TAS2R1: variants seen among roughly 807,000 people sequenced by gnomAD.
TAS2R1 encodes the protein taste receptor type 2 member 1.
For missense variants in TAS2R1, 370 were observed against 353.4 expected, an observed-to-expected ratio of 1.05 and a Z score of -0.38; for synonymous variants, 141 against 134.2, an observed-to-expected ratio of 1.05 and a Z score of -0.35.
chr5:9,698,925 G>A (rs1741419092), intron 1 of TAS2R1, among the ~76,000 whole-genome samples: 7 of 152,200 alleles, frequency 4.6e-5, no homozygotes, highest in Admixed American at 1.3e-4. Flanking sequence ...AGCATATAAA[G>A]CATATAGCGT....
chr5:9,805,638 A>G, the TAS2R1 span, among the ~76,000 whole-genome samples: 2 of 152,140 alleles, frequency 1.3e-5, no homozygotes, highest in Non-Finnish European at 1.5e-5. Context: ...CAAAATTAAA[A>G]ACAAAAATCA....
At chr5:9,668,314 AAAGC>A (rs1311070031) in intron 1 of TAS2R1, among the ~76,000 whole-genome samples, 1 of 152,202 alleles carries the variant, frequency 6.6e-6, no homozygotes, top group Non-Finnish European at 1.5e-5. Context: ...AAAGGGAGAG[AAAGC>A]AAGCAATTAG....
chr5:9,763,689 G>A, the TAS2R1 span, among the ~76,000 whole-genome samples: 2,109 of 152,230 alleles, frequency 0.014, 57 homozygotes, highest in African/African-American at 0.048. Context: ...ATGCAAAAGC[G>A]AGAATCGGAA....
chr5:9,650,056 TA>T (rs1424908594), intron 2 of TAS2R1, among the ~76,000 whole-genome samples: 1 of 152,124 alleles, frequency 6.6e-6, no homozygotes. Context: ...AATTTTAATA[TA>T]AAAAATAAAA....
chr5:9,764,705 G>A, the TAS2R1 span, among the ~76,000 whole-genome samples: 1 of 152,214 alleles, frequency 6.6e-6, no homozygotes, highest in African/African-American at 2.4e-5. Context: ...CATTTTGGAT[G>A]GAAAACAATT....
the TAS2R1 span, among the ~76,000 whole-genome samples, chr5:9,790,409 T>G: frequency 1.3e-5 from 2 of 152,192 alleles, no homozygotes; most frequent in Non-Finnish European, 1.5e-5. Flanking sequence ...ATGACTCAAC[T>G]GAAGCCACAT....
At chr5:9,894,417 A>G in the TAS2R1 span, among the ~76,000 whole-genome samples, 64,017 of 151,814 alleles carry the variant, frequency 0.42, 15,865 homozygotes, top group Non-Finnish European at 0.53. Context: ...AAAAAAACAG[A>G]AGAGGAAATT....
At chr5:9,882,034 T>C in the TAS2R1 span, among the ~76,000 whole-genome samples, 1 of 152,348 alleles carries the variant, frequency 6.6e-6, no homozygotes, top group South Asian at 2.1e-4. Context: ...AAAGAGCTTC[T>C]GCACAGCAAA....
chr5:9,763,615 C>T, the TAS2R1 span, among the ~76,000 whole-genome samples: 1 of 152,208 alleles, frequency 6.6e-6, no homozygotes, highest in East Asian at 1.9e-4. Context: ...TTATTGTCTA[C>T]AAATGAACCA....
chr5:9,708,058 G>A (rs377612967), intron 1 of TAS2R1, among the ~76,000 whole-genome samples: 20 of 152,222 alleles, frequency 1.3e-4, no homozygotes, highest in Admixed American at 2.0e-4. Context: ...CTGTCTTTAC[G>A]GCGCAAGCTC....
chr5:9,738,751 G>A, the TAS2R1 span, among the ~76,000 whole-genome samples: 1 of 151,986 alleles, frequency 6.6e-6, no homozygotes, highest in Non-Finnish European at 1.5e-5. Context: ...CTAAAGTAAT[G>A]ACTAATAAAC....
intron 2 of TAS2R1, among the ~76,000 whole-genome samples, chr5:9,656,925 G>C (rs1294900663): frequency 6.6e-6 from 1 of 152,116 alleles, no homozygotes; most frequent in Non-Finnish European, 1.5e-5. Flanking sequence ...ACAACCTTAA[G>C]AGTGATTGAA....
the TAS2R1 span, among the ~76,000 whole-genome samples, chr5:9,783,372 C>T: frequency 6.2e-4 from 94 of 152,348 alleles, no homozygotes; most frequent in Non-Finnish European, 1.2e-3. Flanking sequence ...ATCTGGTCAG[C>T]TTAGCTGATG....
At chr5:9,865,901 G>A in the TAS2R1 span, among the ~76,000 whole-genome samples, 6 of 152,200 alleles carry the variant, frequency 3.9e-5, no homozygotes, top group Admixed American at 3.9e-4. Context: ...TTATCCTGCT[G>A]AGGCTCATAG....
the TAS2R1 span, among the ~76,000 whole-genome samples, chr5:9,854,753 T>C: frequency 1.3e-5 from 2 of 152,182 alleles, no homozygotes; most frequent in African/African-American, 4.8e-5. Context: ...AAATAAATCG[T>C]GATACAACCA....
intron 1 of TAS2R1, among the ~76,000 whole-genome samples, chr5:9,701,789 T>C (rs1024374127): frequency 6.6e-6 from 1 of 152,236 alleles, no homozygotes; most frequent in African/African-American, 2.4e-5. Flanking sequence ...AAATCAAGTT[T>C]ACACACCAAA....
the TAS2R1 span, among the ~76,000 whole-genome samples, chr5:9,857,151 GAGA>G: frequency 3.3e-5 from 5 of 152,190 alleles, no homozygotes; most frequent in Non-Finnish European, 5.9e-5. Flanking sequence ...GAAGGGAAGT[GAGA>G]AGGAGGAGAT....
chr5:9,893,011 T>C, the TAS2R1 span, among the ~76,000 whole-genome samples: 1 of 152,268 alleles, frequency 6.6e-6, no homozygotes, highest in Admixed American at 6.5e-5. Flanking sequence ...GGAAGCTTTA[T>C]AAACTACCAA....
At chr5:9,767,840 C>G in the TAS2R1 span, among the ~76,000 whole-genome samples, 1 of 143,162 alleles carries the variant, frequency 7.0e-6, no homozygotes, top group African/African-American at 2.6e-5. Context: ...AGGAGAATTG[C>G]TTGAATCCAG....
Sources: allele counts gnomAD v4.1 joint callset (sites outside exome capture counted in the v4.1 genomes callset), GRCh38; gene constraint gnomAD v4.1.1; transcripts MANE v1.5; gene names NCBI Gene and HGNC (gene_info 2026-07-23, HGNC 2026-07-21).